Variants in NR6A1 observed in about 807,000 individuals in gnomAD.
The protein encoded by NR6A1 is nuclear receptor subfamily 6 group A member 1.
In NR6A1, 7 loss-of-function variants were observed where a neutral mutation model predicts 59.1. That is an observed-to-expected ratio of 0.12 (90% CI 0.07 to 0.22). The LOEUF (loss-of-function observed/expected upper bound fraction) is 0.22. Ranked by LOEUF, NR6A1 falls within the 10% of genes least tolerant of loss-of-function variation. The probability of loss-of-function intolerance (pLI) is 1.00; values close to 1 mark genes in which losing one functional copy is unlikely to be tolerated. For synonymous variants in NR6A1, 243 were observed against 236.1 expected (o/e 1.03, Z -0.27); for missense variants, 468 against 611.6 (o/e 0.77, Z 2.48).
chr9:124,689,204 C>T (rs969006099), intron 2 of NR6A1, among the ~76,000 whole-genome samples: 2 of 152,072 alleles, frequency 1.3e-5, no homozygotes, highest in Non-Finnish European at 2.9e-5. Flanking sequence ...ATCTTAACAA[C>T]TTAAATACCT....
At chr9:124,661,816 C>G (rs954251281) in intron 2 of NR6A1, among the ~76,000 whole-genome samples, 38 of 152,142 alleles carry the variant, frequency 2.5e-4, no homozygotes, top group Non-Finnish European at 4.6e-4. Flanking sequence ...ACAGAAAACT[C>G]AGTTCTTTAG....
At chr9:124,765,098 C>A (rs1840892357) in intron 1 of NR6A1, among the ~76,000 whole-genome samples, 1 of 152,168 alleles carries the variant, frequency 6.6e-6, no homozygotes, top group African/African-American at 2.4e-5. Flanking sequence ...TTTAAAGACA[C>A]TTTTTTAAAG....
At chr9:124,578,900 A>G (rs2131452482) in intron 2 of NR6A1, among the ~76,000 whole-genome samples, 1 of 152,336 alleles carries the variant, frequency 6.6e-6, no homozygotes. Flanking sequence ...AGGGCAATTT[A>G]TATCTAGGGA....
intron 1 of NR6A1, among the ~76,000 whole-genome samples, chr9:124,764,121 T>G (rs149729541): frequency 0.012 from 1,755 of 151,768 alleles, 14 homozygotes; most frequent in Middle Eastern, 0.058. Context: ...GAAGCTGAGG[T>G]TGCAGTGAGC....
intron 6 of NR6A1, among the ~76,000 whole-genome samples, chr9:124,536,794 T>C (rs73579812): frequency 0.012 from 1,797 of 152,268 alleles, 38 homozygotes; most frequent in African/African-American, 0.041. Flanking sequence ...GGAACTCTAA[T>C]GGGGTGGATC....
chr9:124,720,033 T>C (rs1185774291), intron 2 of NR6A1, among the ~76,000 whole-genome samples: 1 of 152,130 alleles, frequency 6.6e-6, no homozygotes, highest in Non-Finnish European at 1.5e-5. Flanking sequence ...TCCAAAGTTT[T>C]TTGAAACTCT....
chr9:124,595,495 T>A (rs1835247435), intron 2 of NR6A1, among the ~76,000 whole-genome samples: 1 of 152,198 alleles, frequency 6.6e-6, no homozygotes, highest in Non-Finnish European at 1.5e-5. Flanking sequence ...CACTATAAAA[T>A]TTAAATTAAT....
rs555593825 is a variant in NR6A1 at position 124,705,798 on chromosome 9, CAG to C, written c.142+27508_142+27509del. ...CAATCCCCCCTTTTTTTTTTTTTGACAGAGTCTCACTCTGTTGCCCAGGCTGG... is the reference window on the plus strand; with the variant it reads ...CAATCCCCCCTTTTTTTTTTTTTGACAGTCTCACTCTGTTGCCCAGGCTGG... On this transcript the variant is annotated intron_variant, in intron 2 of 9. Coordinates refer to ENST00000487099, the MANE Select transcript of NR6A1 (RefSeq NM_033334.4). 6.1e-4 allele frequency among the ~76,000 whole-genome samples: 88 copies of C among 144,168 alleles called. 1 individual carries two copies. In the South Asian group the frequency reaches 0.018, roughly 30 times the overall value. 94.6% of individuals were successfully genotyped at this position (144,168 alleles called of 152,430 possible).
At chr9:124,633,030 T>C (rs574931231) in intron 2 of NR6A1, among the ~76,000 whole-genome samples, 1 of 152,178 alleles carries the variant, frequency 6.6e-6, no homozygotes, top group Non-Finnish European at 1.5e-5. Context: ...TTCTAAGCTA[T>C]GTTTTGAGGT....
intron 2 of NR6A1, chr9:124,607,040 T>G (rs1366887320): frequency 1.3e-5 from 2 of 152,192 alleles, no homozygotes; most frequent in Non-Finnish European, 2.9e-5. Flanking sequence ...GGATACATAC[T>G]CCAGCACAAG....
At chr9:124,585,211 C>T (rs887818298) in intron 2 of NR6A1, among the ~76,000 whole-genome samples, 3 of 151,972 alleles carry the variant, frequency 2.0e-5, no homozygotes, top group South Asian at 2.1e-4. Context: ...GGTTGGCTCA[C>T]GAGGTTGAAG....
chr9:124,725,665 G>A (rs1027987137), intron 2 of NR6A1, among the ~76,000 whole-genome samples: 4 of 152,180 alleles, frequency 2.6e-5, no homozygotes, highest in African/African-American at 9.7e-5. Context: ...CAAAAGTCAT[G>A]CGGGGCTCGG....
chr9:124,684,592 C>T (rs772272563), intron 2 of NR6A1, among the ~76,000 whole-genome samples: 1 of 152,168 alleles, frequency 6.6e-6, no homozygotes, highest in Non-Finnish European at 1.5e-5. Context: ...TTATTAAAAT[C>T]ATTCCTACCT....
intron 1 of NR6A1, among the ~76,000 whole-genome samples, chr9:124,762,281 TC>T (rs1437443994): frequency 2.0e-5 from 3 of 152,220 alleles, no homozygotes; most frequent in Non-Finnish European, 1.5e-5. Flanking sequence ...TATTTGATAA[TC>T]CATTTAAATT....
rs60459940 is a variant in NR6A1, at chr9:124,524,835, A to G, written c.1240T>C (p.Leu414=). ...CAAATGTACCAGTATCGTTTATTCA[A>G]TTGTTCCAGCTGTGAGGCACTGGTC... ...GLTSASQLEQ[L]NKRYWYICQD... Residue 414 remains leucine (L), a synonymous_variant, in exon 9 of 10, where the codon TTG becomes CTG. Coordinates refer to ENST00000487099, the MANE Select transcript of NR6A1 (RefSeq NM_033334.4). 7.1e-4 allele frequency: 1,144 copies of G among 1,613,808 alleles called. 1 individual carries two copies. The African/African-American group carries it at 7.7e-3, about 11-fold the overall frequency.
At chr9:124,619,325 G>A (rs1178465600) in intron 2 of NR6A1, among the ~76,000 whole-genome samples, 1 of 152,064 alleles carries the variant, frequency 6.6e-6, no homozygotes, top group African/African-American at 2.4e-5. Flanking sequence ...GTGCAGTGGC[G>A]CAATCTTGGC....
intron 1 of NR6A1, among the ~76,000 whole-genome samples, chr9:124,755,198 T>C (rs1193636396): frequency 1.3e-5 from 2 of 151,618 alleles, no homozygotes; most frequent in Non-Finnish European, 2.9e-5. Context: ...GGCAAAAGAG[T>C]ATTTCAGAGA....
At chr9:124,641,293 A>T (rs1836760494) in intron 2 of NR6A1, among the ~76,000 whole-genome samples, 1 of 150,396 alleles carries the variant, frequency 6.6e-6, no homozygotes, top group Non-Finnish European at 1.5e-5. Flanking sequence ...CAGGAGGCAG[A>T]GGTTGCCGTG....
intron 2 of NR6A1, among the ~76,000 whole-genome samples, chr9:124,724,628 T>C (rs1313902171): frequency 6.6e-6 from 1 of 152,194 alleles, no homozygotes. Flanking sequence ...TGTAATTACT[T>C]GTAGGATTAT....
Sources: allele counts gnomAD v4.1 joint callset (sites outside exome capture counted in the v4.1 genomes callset), GRCh38; gene constraint gnomAD v4.1.1; transcripts MANE v1.5; gene names NCBI Gene and HGNC (gene_info 2026-07-23, HGNC 2026-07-21).